CLUH: variants seen among roughly 807,000 people sequenced by gnomAD.
CLUH encodes the protein CLUH binding protein of NUMT mRNA.
Under a neutral mutation model 139.3 loss-of-function variants are expected in CLUH, and 77 were observed. That is an observed-to-expected ratio of 0.55 (90% CI 0.46 to 0.67). The LOEUF is 0.67. Ranked by LOEUF, CLUH falls within the 30% of genes least tolerant of loss-of-function variation. The pLI, the probability that CLUH is intolerant of heterozygous loss-of-function variation, is 0.00. For missense variants in CLUH, 1,876 were observed against 1,875.8 expected (o/e 1.00, Z 0.00); for synonymous variants, 999 against 801.6 (o/e 1.25, Z -4.16).
intron 23 of CLUH, 39 bp downstream of exon 23, chr17:2,691,965 C>CG (rs1567575882): frequency 1.5e-6 from 1 of 682,374 alleles, no homozygotes; most frequent in Non-Finnish European, 1.8e-6. Flanking sequence ...CGCCACGCCC[C>CG]CGCCCCGCCC....
In CLUH at chr17:2,689,609, C is replaced by T. The variant is rs113297606; in HGVS notation, c.*985G>A. On this transcript the variant is annotated 3_prime_UTR_variant, in exon 26 of 26. Coordinates refer to ENST00000651024, the MANE Select transcript of CLUH (RefSeq NM_001366661.1). ...GTCTCAGGGTGGCCACATCCTCCCC[C>T]ACCAGGGCTCTGACAGCAGGCACAG... is the stretch of plus-strand genomic sequence containing the variant. 2.0e-5 allele frequency: 3 copies of T among 153,310 alleles called. No homozygotes were observed. The East Asian group carries it at 5.8e-4, about 29-fold the overall frequency. The allele number at this position is 153,310 out of a possible 1,614,324, so 9.5% of individuals were successfully genotyped here. A position where few individuals can be genotyped will look rare whatever the true frequency, so the allele number is the denominator to read the frequency against.
intron 4 of CLUH, 31 bp from the exon 5 acceptor site, chr17:2,701,768 G>T: frequency 1.3e-6 from 2 of 1,555,092 alleles, no homozygotes; most frequent in East Asian, 4.5e-5. Context: ...GGTCAGCACA[G>T]GGCCACCCAG....
Position 2,694,582 on chromosome 17 carries a change from G to T in CLUH, c.2853-18C>A, listed in dbSNP as rs1227806931. 1 of 1,559,292 alleles carries T rather than the reference G, an allele frequency of 6.4e-7. No individual in the cohort carries two copies. ...CGGTCTCACTGAGGAGGGAGCAGGG[G>T]GCCTGAGCAGCCCAAGCACCGCCGG... On this transcript the variant is annotated intron_variant, in intron 16 of 25. Coordinates refer to ENST00000651024, the MANE Select transcript of CLUH (RefSeq NM_001366661.1).
Position 2,696,702 on chromosome 17 carries a change from A to G in CLUH, c.2185+17T>C. 3 of 1,610,640 alleles carry G rather than the reference A, an allele frequency of 1.9e-6. No individual in the cohort carries two copies. The highest frequency in any genetic ancestry group is 2.5e-6 in the Non-Finnish European group (3 of 1,179,106). ...GGCCAGCCCGGGCTCTCTCCCGGCC[A>G]TCTGCAGCAGCCCCACCTGTGCCGT... is the stretch of plus-strand genomic sequence containing the variant. On this transcript the variant is annotated intron_variant, in intron 11 of 25. Transcript: ENST00000651024.
In CLUH at chr17:2,701,385, G is replaced by T; in HGVS notation, c.880C>A (p.Arg294=). ...ACTCACTGATTCAGGTAAAAGCCCC[G>T]TGTGGACGCGGTGATGCTGACTTGC... is the stretch of plus-strand genomic sequence containing the variant. ...DRQVSITAST[R]GFYLNQSTAY... is the part of the protein sequence containing the mutation. Residue 294 remains arginine (R), a synonymous_variant, in exon 6 of 26, where the codon CGG becomes AGG. Transcript: ENST00000651024. The T allele has an allele frequency of 6.2e-7, 1 of 1,608,634 alleles. No individual in the cohort carries two copies. Among genetic ancestry groups the T allele is most frequent in the Non-Finnish European group, 8.5e-7 (1 of 1,177,788 alleles).
At chr17:2,701,546 G>A in intron 5 of CLUH, 26 bp from the exon 6 acceptor site, 2 of 1,613,294 alleles carry the variant, frequency 1.2e-6, no homozygotes, top group Middle Eastern at 1.7e-4. Context: ...AGTCTGAGGG[G>A]CCAGGCCTCT....
At position 2,701,511 on chromosome 17, in the gene CLUH, A is replaced by G. The variant is rs1203968711; in HGVS notation, c.754T>C (p.Cys252Arg). The change falls in exon 6 of 26, where the codon TGC becomes CGC. Residue 252 changes from cysteine to arginine, a missense_variant. This residue lies in a region of CLUH where 270 missense variants were observed against 354.7 expected (regional missense o/e 0.76). Coordinates refer to ENST00000651024, the MANE Select transcript of CLUH (RefSeq NM_001366661.1). ...CCGCTCATGGTGAGTACTTTCAGGC[A>G]CTGCAAGGGCTTCGGGAGCGGCCGA... ...PQNRDWKPLQ[C>R]LKVLTMSGWN... 1 of 1,613,654 alleles carries G rather than the reference A, an allele frequency of 6.2e-7. No homozygotes were observed. The highest frequency in any genetic ancestry group is 8.5e-7 in the Non-Finnish European group (1 of 1,179,858).
In CLUH at chr17:2,695,009, G is replaced by A. The variant is rs550727282; in HGVS notation, c.2700C>T (p.Ala900=). 44 of 1,613,652 alleles carry A rather than the reference G, an allele frequency of 2.7e-5. 2 individuals carry two copies. The South Asian group carries it at 4.0e-4, about 14-fold the overall frequency. ...SYPNPVAHLP[A]DELVSKKRNK... is the part of the protein sequence containing the mutation. ...TCCGCTTCTTGGAGACCAGCTCGTC[G>A]GCGGGCAGGTGGGCCACGGGGTTTG... is the stretch of plus-strand genomic sequence containing the variant. Residue 900 remains alanine, a synonymous_variant, in exon 16 of 26, where the codon GCC becomes GCT. Transcript: ENST00000651024.
At chr17:2,692,913 G>A in intron 19 of CLUH, 53 bp from the exon 20 acceptor site, 1 of 1,502,690 alleles carries the variant, frequency 6.7e-7, no homozygotes, top group Non-Finnish European at 8.9e-7. Flanking sequence ...ACTGCACCCA[G>A]AGCCCGCCTG....
intron 17 of CLUH, 51 bp downstream of exon 17, chr17:2,694,429 G>A (rs59086185): frequency 0.025 from 36,644 of 1,477,684 alleles, 701 homozygotes; most frequent in African/African-American, 0.072. Flanking sequence ...CAGCAGGGAC[G>A]CAGCGGGGAC....
At position 2,701,413 on chromosome 17, in the gene CLUH, G is replaced by A. The variant is rs2070175328; in HGVS notation, c.852C>T (p.Asp284=). ...TGGACGCGGTGATGCTGACTTGCCG[G>A]TCCTCGGCTGTGATCACAAACAGGT... ...LMYLFVITAE[D]RQVSITASTR... Residue 284 remains aspartate (D), a synonymous_variant, in exon 6 of 26, where the codon GAC becomes GAT. Coordinates refer to ENST00000651024, the MANE Select transcript of CLUH (RefSeq NM_001366661.1). 6.2e-7 allele frequency: 1 copy of A among 1,611,598 alleles called. No individual in the cohort carries two copies. The highest frequency in any genetic ancestry group is 8.5e-7 in the Non-Finnish European group (1 of 1,179,042).
In CLUH at chr17:2,702,033, C is replaced by G; in HGVS notation, c.500G>C (p.Arg167Pro). The change falls in exon 4 of 26, where the codon CGC (arginine) becomes CCC (proline). Residue 167 changes from arginine (R) to proline (P), a missense_variant. By Grantham distance (103) the Arg-to-Pro change is moderately radical. This residue lies in a region of CLUH where 270 missense variants were observed against 354.7 expected (regional missense o/e 0.76). Transcript: ENST00000651024. The part of the protein sequence containing the change: ...VEEPYTVREA[R>P]IHVRHVRDLL... ...GTCTCGGACATGGCGCACGTGGATG[C>G]GGGCCTCACGCACCGTGTACGGCTC... is the stretch of plus-strand genomic sequence containing the variant. 1 of 1,613,688 alleles carries G rather than the reference C, an allele frequency of 6.2e-7. No individual in the cohort carries two copies. The highest frequency in any genetic ancestry group is 8.5e-7 in the Non-Finnish European group (1 of 1,179,798).
chr17:2,701,014 G>A, intron 7 of CLUH, 126 bp downstream of exon 7: 1 of 1,519,968 alleles, frequency 6.6e-7, no homozygotes, highest in South Asian at 1.2e-5. Context: ...GCTCCCTAGA[G>A]CGGGGACTCC....
chr17:2,692,199 G>A (rs551110335), intron 22 of CLUH, 102 bp from the exon 23 acceptor site: 74 of 1,442,452 alleles, frequency 5.1e-5, no homozygotes, highest in East Asian at 2.2e-4. Context: ...CTCCCTGGAA[G>A]CCACCGAGGG....
chr17:2,691,588 C>A, intron 25 of CLUH, 21 bp downstream of exon 25: 1 of 1,608,584 alleles, frequency 6.2e-7, no homozygotes, highest in Non-Finnish European at 8.5e-7. Context: ...GGGAGACACT[C>A]GAGTGGGGCG....
At position 2,694,016 on chromosome 17, in the gene CLUH, G is replaced by A; in HGVS notation, c.3115C>T (p.Leu1039Phe). Residue 1039 changes from leucine to phenylalanine, a missense_variant, in exon 19 of 26, where the codon CTC (leucine) becomes TTC (phenylalanine). Transcript: ENST00000651024. Reference sequence around the variant, plus strand: ...AACAGGTTCAGGGCCTCATTGATGAGCTCACAGCCCTCCTTCAGGAAGCCT... The same window carrying A: ...AACAGGTTCAGGGCCTCATTGATGAACTCACAGCCCTCCTTCAGGAAGCCT... ...QQGFLKEGCE[L>F]INEALNLFNN... The A allele has an allele frequency of 6.2e-7, 1 of 1,613,968 alleles. No homozygotes were observed. The highest frequency in any genetic ancestry group is 8.5e-7 in the Non-Finnish European group (1 of 1,179,858).
At chr17:2,695,882 C>T (rs2069921325) in intron 13 of CLUH, 1 of 582,524 alleles carries the variant, frequency 1.7e-6, no homozygotes, top group South Asian at 2.1e-5. Context: ...GGATGGGCAG[C>T]CCCCACTGAG....
Position 2,695,272 on chromosome 17 carries a change from G to T in CLUH, c.2553C>A (p.Gly851=). The part of the protein sequence containing the change: ...RHQLDHVFKI[G]IGELITRSAK... ...CCGAGCGGGTGATGAGTTCTCCAATGCCGATTTTCTGGAAGGATTCAGAAG... is the reference window on the plus strand; with the variant it reads ...CCGAGCGGGTGATGAGTTCTCCAATTCCGATTTTCTGGAAGGATTCAGAAG... Residue 851 remains glycine, a synonymous_variant, in exon 15 of 26, where the codon GGC becomes GGA. Transcript: ENST00000651024. 5 of 1,613,862 alleles carry T rather than the reference G, an allele frequency of 3.1e-6. No homozygotes were observed. The highest frequency in any genetic ancestry group is 4.2e-6 in the Non-Finnish European group (5 of 1,179,850).
rs1248089765 is a variant in CLUH at position 2,691,949 on chromosome 17, C to T, written c.3655-54G>A. On this transcript the variant is annotated intron_variant, in intron 23 of 25. Coordinates refer to ENST00000651024, the MANE Select transcript of CLUH (RefSeq NM_001366661.1). ...CCCCCGTGCCCCCGCGGCCCCGCCCCCGCCCCGCCACGCCCCCGCCCCGCC... is the reference window on the plus strand; with the variant it reads ...CCCCCGTGCCCCCGCGGCCCCGCCCTCGCCCCGCCACGCCCCCGCCCCGCC... The T allele has an allele frequency of 3.4e-6, 4 of 1,176,812 alleles. 1 individual carries two copies. Among genetic ancestry groups the T allele is most frequent in the South Asian group, 1.7e-5 (1 of 58,434 alleles). The allele number at this position is 1,176,812 out of a possible 1,614,324, so 72.9% of individuals were successfully genotyped here. A position where few individuals can be genotyped will look rare whatever the true frequency, so the allele number is the denominator to read the frequency against.
Sources: gnomAD v4.1 joint callset for allele counts on GRCh38, gnomAD v4.1.1 for gene constraint, gnomAD v4.1.1 regional missense constraint, MANE v1.5 for transcripts, NCBI Gene and HGNC (gene_info 2026-07-23, HGNC 2026-07-21) for gene names.